The following PLPP4 variants were observed in gnomAD, a reference collection of about 807,000 sequenced individuals.
PLPP4 encodes phospholipid phosphatase 4.
PLPP4 carries 20 observed loss-of-function variants against 32.2 expected under a neutral mutation model. That is an observed-to-expected ratio of 0.62 (90% CI 0.44 to 0.90). The LOEUF (loss-of-function observed/expected upper bound fraction) is 0.90, where lower values mean the gene tolerates loss of function less well. Among genes scored for constraint, PLPP4 ranks in the 40% least tolerant of loss-of-function variants. PLPP4 has a pLI of 0.00. For missense variants in PLPP4, 257 were observed against 353.1 expected, an observed-to-expected ratio of 0.73 and a Z score of 2.18; for synonymous variants, 127 against 133.0, an observed-to-expected ratio of 0.95 and a Z score of 0.31.
intron 1 of PLPP4, among the ~76,000 whole-genome samples, chr10:120,475,284 C>A (rs950658251): frequency 1.3e-5 from 2 of 151,352 alleles, no homozygotes; most frequent in African/African-American, 4.9e-5. Context: ...AACCAAGGGC[C>A]TTACTCAGAG....
intron 1 of PLPP4, among the ~76,000 whole-genome samples, chr10:120,494,629 G>A (rs1228928912): frequency 6.6e-6 from 1 of 152,202 alleles, no homozygotes; most frequent in African/African-American, 2.4e-5. Flanking sequence ...GTCCAGTCCT[G>A]GGCTGGTCTC....
intron 1 of PLPP4, among the ~76,000 whole-genome samples, chr10:120,488,610 G>T (rs1844568779): frequency 6.6e-6 from 1 of 152,220 alleles, no homozygotes; most frequent in Admixed American, 6.5e-5. Flanking sequence ...AAAGTAATCA[G>T]TGGTCAAGTC....
At chr10:120,572,510 A>G (rs1228423826) in intron 5 of PLPP4, among the ~76,000 whole-genome samples, 1 of 152,204 alleles carries the variant, frequency 6.6e-6, no homozygotes, top group African/African-American at 2.4e-5. Context: ...TCCCTAAGAG[A>G]TGCCAGTTTG....
intron 1 of PLPP4, among the ~76,000 whole-genome samples, chr10:120,501,044 G>A (rs988400204): frequency 3.3e-5 from 5 of 152,140 alleles, no homozygotes; most frequent in Non-Finnish European, 5.9e-5. Context: ...TAATAGCAGG[G>A]GTTCCAGCTC....
intron 1 of PLPP4, among the ~76,000 whole-genome samples, chr10:120,480,798 A>G (rs910548595): frequency 6.6e-6 from 1 of 152,116 alleles, no homozygotes; most frequent in South Asian, 2.1e-4. Context: ...CTTTCTTGCT[A>G]CAACAACACT....
intron 4 of PLPP4, among the ~76,000 whole-genome samples, chr10:120,520,769 C>T (rs573436707): frequency 5.3e-5 from 8 of 152,166 alleles, no homozygotes; most frequent in African/African-American, 1.7e-4. Flanking sequence ...TACATGGGAG[C>T]GCCAACTCAG....
intron 5 of PLPP4, among the ~76,000 whole-genome samples, chr10:120,532,209 G>A (rs11597768): frequency 0.28 from 42,076 of 151,972 alleles, 6,321 homozygotes; most frequent in South Asian, 0.43. Context: ...ATGGTTTCCA[G>A]CTTCATCCAT....
intron 5 of PLPP4, among the ~76,000 whole-genome samples, chr10:120,522,100 C>T (rs1019400071): frequency 6.6e-6 from 1 of 152,078 alleles, no homozygotes; most frequent in Non-Finnish European, 1.5e-5. Flanking sequence ...GAACTATGGT[C>T]ACAGGTGACC....
At chr10:120,575,042 T>C (rs1564850947) in intron 5 of PLPP4, 89 bp from the exon 6 acceptor site, 2 of 1,415,498 alleles carry the variant, frequency 1.4e-6, no homozygotes, top group Non-Finnish European at 1.9e-6. Context: ...CTTGGGGGTG[T>C]GCAAGACGGC....
intron 1 of PLPP4, among the ~76,000 whole-genome samples, chr10:120,461,392 C>A (rs116030908): frequency 6.6e-6 from 1 of 152,136 alleles, no homozygotes; most frequent in African/African-American, 2.4e-5. Flanking sequence ...ATGTGCTGGA[C>A]GGGGGGAAAG....
chr10:120,580,617 C>T (rs1849450532), intron 6 of PLPP4, among the ~76,000 whole-genome samples: 1 of 143,402 alleles, frequency 7.0e-6, no homozygotes, highest in African/African-American at 2.6e-5. Context: ...TCTCTGTCTC[C>T]ATCTCTCTGT....
intron 5 of PLPP4, among the ~76,000 whole-genome samples, chr10:120,574,349 G>C (rs12247332): frequency 0.61 from 92,166 of 151,588 alleles, 28,046 homozygotes; most frequent in Admixed American, 0.66. Context: ...TGTTGTAAGC[G>C]CTTCCCAACT....
At chr10:120,483,780 A>G (rs377665436) in intron 1 of PLPP4, among the ~76,000 whole-genome samples, 1 of 152,130 alleles carries the variant, frequency 6.6e-6, no homozygotes, top group East Asian at 1.9e-4. Flanking sequence ...ACCCCTCCCC[A>G]CTGTCTCTTA....
chr10:120,487,784 A>G (rs1165677529), intron 1 of PLPP4, among the ~76,000 whole-genome samples: 3 of 152,200 alleles, frequency 2.0e-5, no homozygotes, highest in Non-Finnish European at 1.5e-5. Flanking sequence ...AAAATGAGGA[A>G]CACAGAAAGA....
chr10:120,513,216 C>T (rs1182728573), intron 2 of PLPP4, among the ~76,000 whole-genome samples: 2 of 152,202 alleles, frequency 1.3e-5, no homozygotes, highest in Non-Finnish European at 2.9e-5. Context: ...ATCACCTAGT[C>T]CTCAAGCCTG....
Position 120,531,471 on chromosome 10 carries a change from C to T in PLPP4, c.445+10376C>T, listed in dbSNP as rs533519226. Among the ~76,000 whole-genome samples the T allele has an allele frequency of 1.3e-3, 197 of 152,148 alleles. 1 individual carries two copies. Among genetic ancestry groups the T allele is most frequent in the South Asian group, 4.8e-3 (23 of 4,812 alleles). On this transcript the variant is annotated intron_variant, in intron 5 of 6. Coordinates refer to ENST00000398250, the MANE Select transcript of PLPP4 (RefSeq NM_001030059.3). ...TTTAATTTTGATTAAATCTAATTTA[C>T]TACTTTCTTCTTTTATGGCTATTGC...
intron 5 of PLPP4, among the ~76,000 whole-genome samples, chr10:120,548,484 G>T (rs1326045370): frequency 1.3e-5 from 2 of 152,088 alleles, no homozygotes; most frequent in African/African-American, 4.8e-5. Flanking sequence ...TACCACTGAT[G>T]AACATTTAGG....
At chr10:120,527,584 G>T (rs1846462694) in intron 5 of PLPP4, among the ~76,000 whole-genome samples, 1 of 152,150 alleles carries the variant, frequency 6.6e-6, no homozygotes. Flanking sequence ...GACACATAAG[G>T]TTACCGATCA....
Position 120,591,616 on chromosome 10 carries a change from T to TA in PLPP4, c.*2125dup, listed in dbSNP as rs11320192. Among the ~76,000 whole-genome samples the TA allele has an allele frequency of 1.4e-3, 202 of 148,658 alleles. 2 individuals are homozygous for TA. The highest frequency in any genetic ancestry group is 3.5e-3 in the Middle Eastern group (1 of 288). On this transcript the variant is annotated 3_prime_UTR_variant, in exon 7 of 7. Transcript: ENST00000398250. ...TAGGAAAAAGATCCTTTGCTACTGT[T>TA]AAAAAAAAAAACCCCATCCTGATGT...
Sources: allele counts gnomAD v4.1 joint callset (sites outside exome capture counted in the v4.1 genomes callset), GRCh38; gene constraint gnomAD v4.1.1; transcripts MANE v1.5; gene names NCBI Gene and HGNC (gene_info 2026-07-23, HGNC 2026-07-21).